The following KCNN2 variants were observed in gnomAD, a reference collection of about 807,000 sequenced individuals.
KCNN2 encodes the protein small conductance calcium-activated potassium channel protein 2.
Under a neutral mutation model 55.5 loss-of-function variants are expected in KCNN2, and 24 were observed. That is an observed-to-expected ratio of 0.43 (90% CI 0.31 to 0.61). The LOEUF is 0.61. Ranked by LOEUF, KCNN2 falls within the 20% of genes least tolerant of loss-of-function variation. The pLI, the probability that KCNN2 is intolerant of heterozygous loss-of-function variation, is 0.08. For synonymous variants in KCNN2, 431 were observed against 336.1 expected (o/e 1.28, Z -3.09); for missense variants, 754 against 853.6 (o/e 0.88, Z 1.45).
At chr5:114,381,631 A>G (rs1758129255) in intron 2 of KCNN2, among the ~76,000 whole-genome samples, 1 of 152,146 alleles carries the variant, frequency 6.6e-6, no homozygotes, top group Non-Finnish European at 1.5e-5. Context: ...TGATTTTACA[A>G]AATACCCTTG....
At chr5:114,224,827 T>G (rs530778077) in intron 2 of KCNN2, among the ~76,000 whole-genome samples, 1 of 152,294 alleles carries the variant, frequency 6.6e-6, no homozygotes, top group South Asian at 2.1e-4. Flanking sequence ...ATGAGTTAGC[T>G]CCTTAGAATG....
At chr5:114,425,515 G>C (rs1049333153) in intron 3 of KCNN2, among the ~76,000 whole-genome samples, 2 of 152,012 alleles carry the variant, frequency 1.3e-5, no homozygotes, top group Non-Finnish European at 2.9e-5. Flanking sequence ...CAATAACCTT[G>C]CACCCTCTCC....
intron 2 of KCNN2, among the ~76,000 whole-genome samples, chr5:114,237,610 T>G (rs1754529896): frequency 6.6e-6 from 1 of 152,186 alleles, no homozygotes; most frequent in African/African-American, 2.4e-5. Context: ...AATTTTTTTT[T>G]TATTTTACCT....
At chr5:114,446,275 G>A (rs1760403674) in intron 3 of KCNN2, among the ~76,000 whole-genome samples, 1 of 152,090 alleles carries the variant, frequency 6.6e-6, no homozygotes, top group Non-Finnish European at 1.5e-5. Context: ...AATTGGGGAA[G>A]GTATTATATC....
chr5:114,137,709 A>T (rs1163388058), intron 1 of KCNN2, among the ~76,000 whole-genome samples: 1 of 152,180 alleles, frequency 6.6e-6, no homozygotes, highest in Non-Finnish European at 1.5e-5. Context: ...TCTAGAAGAA[A>T]TCAAAAAGTA....
chr5:114,160,357 T>C (rs1752743514), intron 1 of KCNN2, among the ~76,000 whole-genome samples: 1 of 152,234 alleles, frequency 6.6e-6, no homozygotes, highest in South Asian at 2.1e-4. Context: ...GATTGCACTG[T>C]GGTCTGAGAG....
At chr5:114,207,410 C>G (rs971417365) in intron 1 of KCNN2, among the ~76,000 whole-genome samples, 6 of 152,170 alleles carry the variant, frequency 3.9e-5, no homozygotes, top group African/African-American at 1.4e-4. Flanking sequence ...TGCCATTGTT[C>G]AGGTCATCGC....
chr5:114,149,715 C>T (rs1752475734), intron 1 of KCNN2, among the ~76,000 whole-genome samples: 3 of 152,108 alleles, frequency 2.0e-5, no homozygotes, highest in South Asian at 4.1e-4. Flanking sequence ...AGCCTTAAAA[C>T]AGAAACACAG....
At chr5:114,114,788 G>A (rs1001090581) in intron 1 of KCNN2, among the ~76,000 whole-genome samples, 2 of 152,040 alleles carry the variant, frequency 1.3e-5, no homozygotes, top group Admixed American at 6.6e-5. Flanking sequence ...TTAGGCTCTC[G>A]TGGAGCTGGT....
chr5:114,250,779 G>A (rs968179500), intron 2 of KCNN2, among the ~76,000 whole-genome samples: 1 of 152,172 alleles, frequency 6.6e-6, no homozygotes, highest in Non-Finnish European at 1.5e-5. Flanking sequence ...GTCTCACTGA[G>A]TTGTCTCTAC....
At chr5:114,080,016 T>G (rs567905967) in intron 1 of KCNN2, among the ~76,000 whole-genome samples, 3 of 152,256 alleles carry the variant, frequency 2.0e-5, no homozygotes, top group African/African-American at 7.2e-5. Context: ...TTCATTACTT[T>G]GAATTTACCT....
intron 2 of KCNN2, among the ~76,000 whole-genome samples, chr5:114,400,965 TTGAC>T (rs767057242): frequency 5.3e-5 from 8 of 152,056 alleles, no homozygotes; most frequent in Non-Finnish European, 1.0e-4. Context: ...GTCTGCTTTC[TTGAC>T]TATGTTTTTT....
chr5:114,062,759 A>G (rs960338851), intron 1 of KCNN2, among the ~76,000 whole-genome samples: 2 of 152,220 alleles, frequency 1.3e-5, no homozygotes, highest in Admixed American at 6.5e-5. Flanking sequence ...TCTTTCATGT[A>G]TAAGACCTCA....
chr5:114,217,576 A>C (rs1754032396), intron 1 of KCNN2, among the ~76,000 whole-genome samples: 2 of 152,118 alleles, frequency 1.3e-5, no homozygotes, highest in Admixed American at 1.3e-4. Flanking sequence ...CTAGACACAG[A>C]CTTTATATGG....
At chr5:114,312,420 C>CAA (rs1756412363) in intron 2 of KCNN2, among the ~76,000 whole-genome samples, 1 of 67,952 alleles carries the variant, frequency 1.5e-5, no homozygotes, top group Admixed American at 2.0e-4. Flanking sequence ...CACACACACA[C>CAA]ACACACACAC....
Position 114,071,977 on chromosome 5 carries a change from T to C in KCNN2, c.-271+15477T>C, listed in dbSNP as rs572822705. On this transcript the variant is annotated intron_variant, in intron 1 of 10. Transcript: ENST00000512097. ...ATTGTTGTGGGAGTGGATTAGTTAT[T>C]GTGAGCATGGGTTGGTTATAAAAGC... 2.3e-3 allele frequency among the ~76,000 whole-genome samples: 351 copies of C among 152,240 alleles called. 3 individuals carry two copies. The highest frequency in any genetic ancestry group is 4.2e-3 in the Non-Finnish European group (288 of 68,002).
chr5:114,392,984 G>A (rs949947682), intron 2 of KCNN2, among the ~76,000 whole-genome samples: 1 of 151,888 alleles, frequency 6.6e-6, no homozygotes, highest in Non-Finnish European at 1.5e-5. Context: ...GTTATGTGAA[G>A]CTTCTGGTGG....
intron 1 of KCNN2, among the ~76,000 whole-genome samples, chr5:114,109,645 T>G (rs1751555150): frequency 6.6e-6 from 1 of 152,022 alleles, no homozygotes; most frequent in Non-Finnish European, 1.5e-5. Flanking sequence ...AGAACTCAGG[T>G]TTTGTAGTTA....
intron 3 of KCNN2, among the ~76,000 whole-genome samples, chr5:114,423,179 G>A (rs920088171): frequency 9.2e-5 from 14 of 152,136 alleles, no homozygotes; most frequent in African/African-American, 3.4e-4. Flanking sequence ...TCTGTGCCTG[G>A]CACCAAGCAC....
Sources: allele counts gnomAD v4.1 joint callset (sites outside exome capture counted in the v4.1 genomes callset), GRCh38; gene constraint gnomAD v4.1.1; transcripts MANE v1.5; gene names NCBI Gene and HGNC (gene_info 2026-07-23, HGNC 2026-07-21).